Variants in TPTE2 observed in about 807,000 individuals in gnomAD.
The protein encoded by TPTE2 is transmembrane phosphoinositide 3-phosphatase and tensin homolog 2.
In TPTE2, 53 loss-of-function variants were observed where a neutral mutation model predicts 78.6. The ratio of observed to expected loss-of-function variants is 0.67; its 90% confidence interval spans 0.54 to 0.85. TPTE2 has a LOEUF of 0.85. TPTE2 is among the 40% of genes least tolerant of loss of function. The pLI is 0.00. For synonymous variants in TPTE2, 175 were observed against 206.2 expected (o/e 0.85, Z 1.30); for missense variants, 461 against 623.0 (o/e 0.74, Z 2.77).
At chr13:19,469,331 G>GT (rs1387380225) in intron 6 of TPTE2, among the ~76,000 whole-genome samples, 2 of 152,116 alleles carry the variant, frequency 1.3e-5, no homozygotes, top group Non-Finnish European at 2.9e-5. Flanking sequence ...TGAGTTCACT[G>GT]TAAGTGTGTG....
chr13:19,451,839 G>GTA (rs757561841), intron 10 of TPTE2, among the ~76,000 whole-genome samples: 1,660 of 114,682 alleles, frequency 0.014, 15 homozygotes, highest in Middle Eastern at 0.038. Context: ...GTGTGTGTGT[G>GTA]TGTGTATATA....
intron 13 of TPTE2, among the ~76,000 whole-genome samples, chr13:19,443,065 T>C (rs982574767): frequency 4.6e-5 from 7 of 152,090 alleles, no homozygotes; most frequent in Non-Finnish European, 7.4e-5. Context: ...GAAAAAACTA[T>C]GAGAAAGGAA....
rs1394364452 is a variant in TPTE2, at chr13:19,425,128, A to G, written c.1396-111T>C. On this transcript the variant is annotated intron_variant, in intron 18 of 19. Coordinates refer to ENST00000400230, the Ensembl canonical transcript of TPTE2. ...ATATATTTATCAAACAATTATAACC[A>G]TTAAATAGGTAGCACTCTGCAATCT... 1.3e-5 allele frequency: 7 copies of G among 552,862 alleles called. No homozygotes were observed. The East Asian group carries it at 2.3e-4, about 18-fold the overall frequency. The allele number at this position is 552,862 out of a possible 1,614,324, so 34.2% of individuals were successfully genotyped here. A position where few individuals can be genotyped will look rare whatever the true frequency, so the allele number is the denominator to read the frequency against.
At chr13:19,554,985 C>T in the TPTE2 span, among the ~76,000 whole-genome samples, 1 of 152,198 alleles carries the variant, frequency 6.6e-6, no homozygotes, top group Non-Finnish European at 1.5e-5. Flanking sequence ...TGACCTATGC[C>T]TTTTCCACCA....
At chr13:19,448,400 G>A (rs1877971035) in intron 13 of TPTE2, among the ~76,000 whole-genome samples, 1 of 151,942 alleles carries the variant, frequency 6.6e-6, no homozygotes, top group African/African-American at 2.4e-5. Flanking sequence ...CTACAGAATG[G>A]GAGAAATATC....
intron 1 of TPTE2, among the ~76,000 whole-genome samples, chr13:19,532,962 A>G (rs1259298013): frequency 6.6e-6 from 1 of 152,216 alleles, no homozygotes; most frequent in Non-Finnish European, 1.5e-5. Flanking sequence ...ATGACACCTC[A>G]AGGTCAAGGA....
At chr13:19,524,280 AC>A (rs1870366445) in intron 1 of TPTE2, among the ~76,000 whole-genome samples, 2 of 152,212 alleles carry the variant, frequency 1.3e-5, no homozygotes, top group Non-Finnish European at 2.9e-5. Context: ...AGATTTTAAA[AC>A]ATTAATAATT....
chr13:19,436,669 C>G (rs993972331), intron 14 of TPTE2, among the ~76,000 whole-genome samples: 1 of 152,192 alleles, frequency 6.6e-6, no homozygotes. Context: ...CCTGCCTCAG[C>G]CTCCCAAAGT....
At chr13:19,461,617 A>G (rs1470551329) in intron 10 of TPTE2, among the ~76,000 whole-genome samples, 1 of 152,124 alleles carries the variant, frequency 6.6e-6, no homozygotes, top group Non-Finnish European at 1.5e-5. Context: ...CCCAACTGTT[A>G]TTGCATTGGA....
At chr13:19,526,514 T>C (rs937864565) in intron 1 of TPTE2, among the ~76,000 whole-genome samples, 61 of 151,778 alleles carry the variant, frequency 4.0e-4, no homozygotes, top group African/African-American at 1.4e-3. Context: ...GAGTTAAACA[T>C]TGAGTACACA....
chr13:19,532,762 C>T (rs1870964306), intron 1 of TPTE2, among the ~76,000 whole-genome samples: 1 of 152,184 alleles, frequency 6.6e-6, no homozygotes, highest in African/African-American at 2.4e-5. Context: ...GAGTGCCCAT[C>T]TTGGGCCTAG....
At chr13:19,451,746 G>A (rs951999958) in intron 10 of TPTE2, among the ~76,000 whole-genome samples, 2 of 151,604 alleles carry the variant, frequency 1.3e-5, no homozygotes, top group African/African-American at 4.8e-5. Context: ...TAACAATATG[G>A]AGACTTTTTT....
chr13:19,532,114 T>A (rs190466619), intron 1 of TPTE2, among the ~76,000 whole-genome samples: 114 of 152,332 alleles, frequency 7.5e-4, no homozygotes, highest in African/African-American at 2.7e-3. Context: ...ATGGCCATTT[T>A]AATTCTAAAC....
At chr13:19,548,375 T>G in the TPTE2 span, among the ~76,000 whole-genome samples, 1 of 144,468 alleles carries the variant, frequency 6.9e-6, no homozygotes, top group Admixed American at 7.2e-5. Flanking sequence ...TAATAATCTT[T>G]ACACTTCCCC....
chr13:19,526,743 A>G (rs987921303), intron 1 of TPTE2, among the ~76,000 whole-genome samples: 5 of 89,746 alleles, frequency 5.6e-5, no homozygotes, highest in Admixed American at 2.7e-4. Flanking sequence ...AATTAAATAA[A>G]ATGTGCATAC....
chr13:19,504,477 C>A (rs1422926407), upstream of TPTE2, among the ~76,000 whole-genome samples: 1 of 152,020 alleles, frequency 6.6e-6, no homozygotes, highest in East Asian at 1.9e-4. Flanking sequence ...GGAACCCTGC[C>A]AGGGCCATTA....
chr13:19,448,796 G>T (rs770516173), intron 13 of TPTE2, among the ~76,000 whole-genome samples: 11 of 152,296 alleles, frequency 7.2e-5, no homozygotes, highest in South Asian at 2.1e-4. Context: ...ATGATTTGGA[G>T]ATTCCACTTC....
chr13:19,516,290 T>C (rs1056591286), intron 1 of TPTE2, among the ~76,000 whole-genome samples: 2 of 152,188 alleles, frequency 1.3e-5, no homozygotes, highest in African/African-American at 4.8e-5. Flanking sequence ...GCACAGTACA[T>C]AAGCTTCTGC....
the TPTE2 span, among the ~76,000 whole-genome samples, chr13:19,552,234 C>T: frequency 6.6e-6 from 1 of 152,156 alleles, no homozygotes; most frequent in Non-Finnish European, 1.5e-5. Flanking sequence ...TAATCTCATA[C>T]CCCTTATTCA....
Sources: gnomAD v4.1 joint callset for allele counts (sites outside exome capture counted in the v4.1 genomes callset) on GRCh38, gnomAD v4.1.1 for gene constraint, MANE v1.5 for transcripts, NCBI Gene and HGNC (gene_info 2026-07-23, HGNC 2026-07-21) for gene names.